The following CFAP46 variants were observed in gnomAD, a reference collection of about 807,000 sequenced individuals.
CFAP46 encodes the protein cilia- and flagella-associated protein 46.
CFAP46 carries 245 observed loss-of-function variants against 325.7 expected under a neutral mutation model. That is an observed-to-expected ratio of 0.75 (90% confidence interval 0.68 to 0.84). The LOEUF (loss-of-function observed/expected upper bound fraction) is 0.84, where lower values mean the gene tolerates loss of function less well. CFAP46 is among the 40% of genes least tolerant of loss of function. The pLI is 0.00. For synonymous variants in CFAP46, 1,523 were observed against 1,495.9 expected (o/e 1.02, Z -0.42); for missense variants, 3,346 against 3,543.0 (o/e 0.94, Z 1.41).
chr10:132,941,575 A>G lies in CFAP46; in HGVS notation c.306+16T>C, dbSNP rs1265099687. The G allele has an allele frequency of 1.9e-6, 3 of 1,609,334 alleles. No individual in the cohort carries two copies. Among genetic ancestry groups the G allele is most frequent in the Admixed American group, 1.7e-5 (1 of 59,658 alleles). On this transcript the variant is annotated intron_variant, in intron 3 of 57. Transcript: ENST00000368586. ...AATTGAACTGTTGGGGATAAGGGGC[A>G]CAGGACGCCTCTCACCAGGTTTTCT...
In CFAP46 at chr10:132,908,495, C is replaced by T. The variant is rs536025250; in HGVS notation, c.2897G>A (p.Gly966Asp). 3.9e-6 allele frequency: 6 copies of T among 1,550,526 alleles called. No homozygotes were observed. The South Asian group carries it at 5.9e-5, about 15-fold the overall frequency. ...MACAHRALEM[G>D]IKYLKKFGPE... ...CCCAAATTTCTTCAGGTACTTGATG[C>T]CCATCTCCAGAGCCCTGTGAGCACA... Residue 966 changes from glycine (G) to aspartate (D), a missense_variant, in exon 22 of 58, where the codon GGC (glycine) becomes GAC (aspartate). Physicochemically the swap from Gly to Asp is moderately conservative, Grantham distance 94. Coordinates refer to ENST00000368586, the MANE Select transcript of CFAP46 (RefSeq NM_001200049.3).
intron 44 of CFAP46, among the ~76,000 whole-genome samples, chr10:132,837,931 A>ATGCAAGGACACAGACACGCACGTG (rs1554876893): frequency 7.0e-6 from 1 of 142,216 alleles, no homozygotes; most frequent in African/African-American, 2.6e-5. Context: ...ACACGCAGAC[A>ATGCAAGGACACAGACACGCACGTG]TGCACGGACA....
chr10:132,861,363 C>A (rs1848719051), intron 35 of CFAP46, among the ~76,000 whole-genome samples: 1 of 152,242 alleles, frequency 6.6e-6, no homozygotes, highest in African/African-American at 2.4e-5. Context: ...GAGGCACAGC[C>A]CCACTCTGGC....
chr10:132,810,516 G>C (rs749499184), intron 56 of CFAP46, 27 bp from the exon 57 acceptor site: 2 of 1,603,294 alleles, frequency 1.2e-6, no homozygotes, highest in African/African-American at 2.7e-5. Flanking sequence ...CCCTCAGGAG[G>C]GCATGGACAC....
rs1564798387 is a variant in CFAP46 at position 132,912,542 on chromosome 10, T to TCTCTCTCTCTTCAC, written c.2499+112_2499+113insGTGAAGAGAGAGAG. ...CTCTCTCTTCACCTCTCTCCTCTCCTCTCTCTCTCTCTTCACCTCTCTCCT... is the reference window on the plus strand; with the variant it reads ...CTCTCTCTTCACCTCTCTCCTCTCCTCTCTCTCTCTTCACCTCTCTCTCTCTTCACCTCTCTCCT... On this transcript the variant is annotated intron_variant, in intron 19 of 57. Transcript: ENST00000368586. 5.0e-4 allele frequency: 151 copies of TCTCTCTCTCTTCAC among 301,494 alleles called. 2 individuals are homozygous for TCTCTCTCTCTTCAC. The highest frequency in any genetic ancestry group is 1.7e-3 in the African/African-American group (29 of 16,914). 18.7% of individuals were successfully genotyped at this position (301,494 alleles called of 1,614,324 possible).
chr10:132,865,833 G>C (rs565101577), intron 35 of CFAP46, among the ~76,000 whole-genome samples, 192 bp downstream of exon 35: 2 of 152,350 alleles, frequency 1.3e-5, no homozygotes, highest in African/African-American at 4.8e-5. Flanking sequence ...ACTGTGAGTG[G>C]CAGAGCAAAA....
rs529980107 is a variant in CFAP46 at position 132,851,216 on chromosome 10, G to T, written c.5664C>A (p.Ile1888=). The T allele has an allele frequency of 1.9e-6, 3 of 1,614,122 alleles. No individual in the cohort carries two copies. The African/African-American group carries it at 4.0e-5, about 22-fold the overall frequency. The change falls in exon 40 of 58, where the codon ATC becomes ATA. Residue 1888 remains isoleucine, a synonymous_variant. Transcript: ENST00000368586. ...VEMALDMLQF[I]WEEAHGQQSE... The stretch of plus-strand genomic sequence containing the variant: ...TCTGCTGCCCGTGGGCCTCCTCCCA[G>T]ATGAACTGGAGCATGTCCAGAGCCA...
rs555534132 is a variant in CFAP46, at chr10:132,851,732, C to T, written c.5575-427G>A. Among the ~76,000 whole-genome samples, 22 of 152,374 alleles carry T rather than the reference C, an allele frequency of 1.4e-4. No homozygotes were observed. The South Asian group carries it at 3.1e-3, about 21-fold the overall frequency. On this transcript the variant is annotated intron_variant, in intron 39 of 57. Coordinates refer to ENST00000368586, the MANE Select transcript of CFAP46 (RefSeq NM_001200049.3). The stretch of plus-strand genomic sequence containing the variant: ...CCGGCGTCGGTGCACCGTGTGCACG[C>T]GCCACACCCTGCTTATCTATTCAAA...
intron 27 of CFAP46, among the ~76,000 whole-genome samples, chr10:132,881,448 G>A (rs1432666123): frequency 6.6e-6 from 1 of 152,206 alleles, no homozygotes; most frequent in Non-Finnish European, 1.5e-5. Flanking sequence ...GGAGGCCTCT[G>A]CAGGGTAGGA....
At position 132,877,244 on chromosome 10, in the gene CFAP46, C is replaced by T. The variant is rs989495887; in HGVS notation, c.4213-283G>A. ...TCTGCAGCCTCTGCCTCCTGCGTCT[C>T]CCCTCAGTGACAGCTGGCTGGTGAG... On this transcript the variant is annotated intron_variant, in intron 30 of 57. Transcript: ENST00000368586. The surrounding 1 kb of genome is among the most constrained non-coding windows in gnomAD (Gnocchi z 5.7). Among the ~76,000 whole-genome samples the T allele has an allele frequency of 1.3e-5, 2 of 152,176 alleles. No individual in the cohort carries two copies. Among genetic ancestry groups the T allele is most frequent in the African/African-American group, 4.8e-5 (2 of 41,444 alleles).
chr10:132,880,358 T>C (rs922908233), intron 28 of CFAP46, among the ~76,000 whole-genome samples: 2 of 152,202 alleles, frequency 1.3e-5, no homozygotes, highest in African/African-American at 4.8e-5. Context: ...ACACCCACTT[T>C]CCTGCACTGC....
Position 132,924,828 on chromosome 10 carries a change from C to A in CFAP46, c.1124G>T (p.Gly375Val). The A allele has an allele frequency of 1.4e-6, 2 of 1,452,938 alleles. No individual in the cohort carries two copies. Among genetic ancestry groups the A allele is most frequent in the Middle Eastern group, 1.8e-4 (1 of 5,582 alleles). 90.0% of individuals were successfully genotyped at this position (1,452,938 alleles called of 1,614,324 possible). ...DVALQRAVRL[G>V]DPRVIHVVCA... Reference sequence around the variant, plus strand: ...CACCACGTGGATGACCCGGGGGTCGCCCAGGCGCACGGCTCGCTGCAGCGC... The same window carrying A: ...CACCACGTGGATGACCCGGGGGTCGACCAGGCGCACGGCTCGCTGCAGCGC... Residue 375 changes from glycine (G) to valine (V), a missense_variant, in exon 11 of 58, where the codon GGC (glycine) becomes GTC (valine). Physicochemically the swap from Gly to Val is moderately radical, Grantham distance 109. Transcript: ENST00000368586.
At chr10:132,811,181 G>C in intron 55 of CFAP46, 150 bp from the exon 56 acceptor site, 1 of 694,718 alleles carries the variant, frequency 1.4e-6, no homozygotes, top group African/African-American at 1.8e-5. Flanking sequence ...TGACCGTCAG[G>C]TTTTTTCCAG....
At chr10:132,839,220 C>T (rs1038024325) in intron 44 of CFAP46, among the ~76,000 whole-genome samples, 2 of 147,630 alleles carry the variant, frequency 1.4e-5, no homozygotes, top group African/African-American at 2.7e-5. Context: ...TCTGATTTGT[C>T]GTTTTTCCCT....
Position 132,926,568 on chromosome 10 carries a change from C to T in CFAP46, c.1065G>A (p.Glu355=). 6.5e-7 allele frequency: 1 copy of T among 1,534,708 alleles called. No homozygotes were observed. The highest frequency in any genetic ancestry group is 8.7e-7 in the Non-Finnish European group (1 of 1,145,724). The change falls in exon 10 of 58, where the codon GAG becomes GAA. Residue 355 remains glutamate (E), a splice_region_variant and synonymous_variant. Transcript: ENST00000368586. ...GTATGACTCCTGCGTAAGGACTGAC[C>T]TCAACAGCCGCTCGGTTGTACACTT... ...KMKVYNRAAV[E]AQLDIIQRLD...
rs370543445 is a variant in CFAP46 at position 132,847,015 on chromosome 10, C to A, written c.6184G>T (p.Ala2062Ser). 1 of 1,610,576 alleles carries A rather than the reference C, an allele frequency of 6.2e-7. No homozygotes were observed. ...VALGSGLLDV[A>S]AAASLEMVEC... ...ACCATCTCCAGGCTGGCGGCTGCTGCGACATCCAGGAGGCCACTGCCAAGG... is the reference window on the plus strand; with the variant it reads ...ACCATCTCCAGGCTGGCGGCTGCTGAGACATCCAGGAGGCCACTGCCAAGG... Residue 2062 changes from alanine (A) to serine (S), a missense_variant, in exon 43 of 58, where the codon GCA becomes TCA. Coordinates refer to ENST00000368586, the MANE Select transcript of CFAP46 (RefSeq NM_001200049.3). This position sits in a 1 kb window ranked among gnomAD's most constrained non-coding sequence, Gnocchi z 5.2.
chr10:132,821,876 CTG>C lies in CFAP46; in HGVS notation c.7118-6964_7118-6963del, dbSNP rs1328855516. On this transcript the variant is annotated intron_variant, in intron 50 of 57. Transcript: ENST00000368586. Reference sequence around the variant, plus strand: ...TGATGTGTGCTGTGTGTGCTGTGTGCTGTGTGTGCAGTGATGTGTGTTGTGTG... The same window carrying C: ...TGATGTGTGCTGTGTGTGCTGTGTGCTGTGTGCAGTGATGTGTGTTGTGTG... 5.0e-5 allele frequency among the ~76,000 whole-genome samples: 6 copies of C among 119,752 alleles called. No individual in the cohort carries two copies. The East Asian group carries it at 8.1e-4, about 16-fold the overall frequency. 78.6% of individuals were successfully genotyped at this position (119,752 alleles called of 152,430 possible).
rs1008565704 is a variant in CFAP46 at position 132,898,998 on chromosome 10, C to T, written c.3180G>A (p.Arg1060=). ...CTGTCTTGTTGATGATGCCGATGAG[C>T]CTCTTCAGGGCACCCTTGGCCTTCT... ...YRKKAKGALK[R]LIGIINKTEA... is the part of the protein sequence containing the mutation. Residue 1060 remains arginine (R), a synonymous_variant, in exon 24 of 58, where the codon AGG becomes AGA. Transcript: ENST00000368586. The T allele has an allele frequency of 2.3e-5, 35 of 1,550,580 alleles. No homozygotes were observed. Among genetic ancestry groups the T allele is most frequent in the Non-Finnish European group, 3.1e-5 (35 of 1,146,994 alleles).
chr10:132,912,833 C>CTT lies in CFAP46; in HGVS notation c.2334-15_2334-14dup, dbSNP rs1564798598. 19 of 1,546,606 alleles carry CTT rather than the reference C, an allele frequency of 1.2e-5. No individual in the cohort carries two copies. The highest frequency in any genetic ancestry group is 1.5e-5 in the Non-Finnish European group (17 of 1,146,398). ...CATCACGGGGTCCCTGGGAGACATGCTTGTCAGAGGGAACCTTGGCCCCCG... is the reference window on the plus strand; with the variant it reads ...CATCACGGGGTCCCTGGGAGACATGCTTTTGTCAGAGGGAACCTTGGCCCCCG... On this transcript the variant is annotated splice_polypyrimidine_tract_variant and intron_variant, in intron 18 of 57. Transcript: ENST00000368586.
Sources: allele counts gnomAD v4.1 joint callset (sites outside exome capture counted in the v4.1 genomes callset), GRCh38; gene constraint gnomAD v4.1.1; non-coding constraint Gnocchi (gnomAD v3.1); transcripts MANE v1.5; gene names NCBI Gene and HGNC (gene_info 2026-07-23, HGNC 2026-07-21).